The following ZNF491 variants were observed in gnomAD, a reference collection of about 807,000 sequenced individuals.
ZNF491 encodes the protein zinc finger protein 491.
ZNF491 carries 22 observed loss-of-function variants against 34.7 expected under a neutral mutation model. The ratio of observed to expected loss-of-function variants is 0.63; its 90% confidence interval spans 0.45 to 0.90. The LOEUF (loss-of-function observed/expected upper bound fraction) is 0.90, where lower values mean the gene tolerates loss of function less well. ZNF491 is among the 40% of genes least tolerant of loss of function. The probability of loss-of-function intolerance (pLI) is 0.00; values close to 1 mark genes in which losing one functional copy is unlikely to be tolerated. For missense variants in ZNF491, 559 were observed against 531.7 expected (o/e 1.05, Z -0.51); for synonymous variants, 148 against 174.3 (o/e 0.85, Z 1.19).
intron 1 of ZNF491, among the ~76,000 whole-genome samples, chr19:11,801,271 A>G (rs1171034675): frequency 6.6e-6 from 1 of 152,206 alleles, no homozygotes; most frequent in African/African-American, 2.4e-5. Flanking sequence ...CCAAAATGAC[A>G]TTGGGTAAAA....
Position 11,804,655 on chromosome 19 carries a change from C to A in ZNF491, c.-20C>A. The A allele has an allele frequency of 7.1e-7, 1 of 1,412,006 alleles. No homozygotes were observed. Among genetic ancestry groups the A allele is most frequent in the Admixed American group, 2.6e-5 (1 of 38,912 alleles). 87.5% of individuals were successfully genotyped at this position (1,412,006 alleles called of 1,614,324 possible). Reference sequence around the variant, plus strand: ...TGTGATGCAGGAAACCTTCACGAACCTCATCTGTATAGGTAGGGGTGACAA... The same window carrying A: ...TGTGATGCAGGAAACCTTCACGAACATCATCTGTATAGGTAGGGGTGACAA... On this transcript the variant is annotated 5_prime_UTR_variant, in exon 2 of 3. Coordinates refer to ENST00000323169, the MANE Select transcript of ZNF491 (RefSeq NM_152356.4).
In ZNF491 at chr19:11,808,422, G is replaced by C. The variant is rs1975642717; in HGVS notation, c.*1155G>C. Among the ~76,000 whole-genome samples the C allele has an allele frequency of 6.6e-6, 1 of 150,970 alleles. No individual in the cohort carries two copies. Among genetic ancestry groups the C allele is most frequent in the Non-Finnish European group, 1.5e-5 (1 of 67,806 alleles). On this transcript the variant is annotated 3_prime_UTR_variant, in exon 3 of 3. Coordinates refer to ENST00000323169, the MANE Select transcript of ZNF491 (RefSeq NM_152356.4). ...GGTTTATTCACTGTTTTTCAGTTGT[G>C]TACTTGCAAATGTTTTTCTCTTTTT...
Position 11,806,016 on chromosome 19 carries a change from TC to T in ZNF491, c.65del (p.Pro22ArgfsTer5). On this transcript the variant is annotated frameshift_variant, in exon 3 of 3. Transcript: ENST00000323169. LOFTEE classifies it high-confidence loss of function. ...SQCGETFTQVPEDMLNKKTLP... is the reference protein window; with the variant it reads ...SQCGETFTQVXEDMLNKKTLP... ...AGTGTGGAGAAACTTTCACCCAGGT[TC>T]CGGAAGACATGCTGAACAAGAAAAC... The T allele has an allele frequency of 1.2e-6, 2 of 1,612,946 alleles. No individual in the cohort carries two copies. The highest frequency in any genetic ancestry group is 1.7e-6 in the Non-Finnish European group (2 of 1,179,546).
rs1361506168 is a variant in ZNF491, at chr19:11,806,523, G to C, written c.570G>C (p.Lys190Asn). ...CTGGGGAGAAGCCATATGAATGTAA[G>C]GAGTGTGGGAAATCATTCAATTTTT... ...THTGEKPYEC[K>N]ECGKSFNFSS... Residue 190 changes from lysine (K) to asparagine (N), a missense_variant, in exon 3 of 3, where the codon AAG becomes AAC. Physicochemically the swap from Lys to Asn is moderately conservative, Grantham distance 94. Transcript: ENST00000323169. The C allele has an allele frequency of 5.6e-6, 9 of 1,614,136 alleles. No individual in the cohort carries two copies. Among genetic ancestry groups the C allele is most frequent in the Non-Finnish European group, 7.6e-6 (9 of 1,180,038 alleles).
At position 11,800,711 on chromosome 19, in the gene ZNF491, C is replaced by T. The variant is rs118139827; in HGVS notation, c.-134+1984C>T. 7.0e-4 allele frequency among the ~76,000 whole-genome samples: 107 copies of T among 151,820 alleles called. 1 individual carries two copies. The East Asian group carries it at 0.018, about 26-fold the overall frequency. The stretch of plus-strand genomic sequence containing the variant: ...GATTTTTGTATTTTTAGTAGAGACA[C>T]GGGAAAGAAAACATTTTTTAAAAAT... On this transcript the variant is annotated intron_variant, in intron 1 of 2. Coordinates refer to ENST00000323169, the MANE Select transcript of ZNF491 (RefSeq NM_152356.4).
At chr19:11,799,777 T>C (rs1010346100) in intron 1 of ZNF491, among the ~76,000 whole-genome samples, 4 of 151,636 alleles carry the variant, frequency 2.6e-5, no homozygotes, top group Non-Finnish European at 5.9e-5. Context: ...CTACCAAAAA[T>C]ACAAAAATTA....
chr19:11,806,957 C>T lies in ZNF491; in HGVS notation c.1004C>T (p.Ala335Val), dbSNP rs1379921960. 1 of 1,613,428 alleles carries T rather than the reference C, an allele frequency of 6.2e-7. No homozygotes were observed. The highest frequency in any genetic ancestry group is 1.7e-5 in the Admixed American group (1 of 59,862). The change falls in exon 3 of 3, where the codon GCC (alanine) becomes GTC (valine). Residue 335 changes from alanine to valine, a missense_variant. Transcript: ENST00000323169. Reference sequence around the variant, plus strand: ...GATGGGTGTAAGCAATGTGGGAAAGCCTTCAGATCTGCCAAGTACATTCGA... The same window carrying T: ...GATGGGTGTAAGCAATGTGGGAAAGTCTTCAGATCTGCCAAGTACATTCGA... Reference protein sequence around the residue: ...KPDGCKQCGKAFRSAKYIRIH... With the variant: ...KPDGCKQCGKVFRSAKYIRIH...
At chr19:11,801,325 G>C (rs937259380) in intron 1 of ZNF491, among the ~76,000 whole-genome samples, 1 of 152,066 alleles carries the variant, frequency 6.6e-6, no homozygotes, top group Admixed American at 6.6e-5. Context: ...TCATGTGTTT[G>C]TTGGCCATTT....
chr19:11,801,125 G>A (rs1312298642), intron 1 of ZNF491, among the ~76,000 whole-genome samples: 1 of 152,052 alleles, frequency 6.6e-6, no homozygotes, highest in African/African-American at 2.4e-5. Context: ...GATCACTTGA[G>A]TCCAGAAGTT....
In ZNF491 at chr19:11,806,882, G is replaced by A. The variant is rs747648579; in HGVS notation, c.929G>A (p.Cys310Tyr). ...KCKQCGKAFT[C>Y]STSFQYHERT... ...AAGCAATGTGGGAAAGCCTTCACTT[G>A]TTCCACTTCGTTTCAATATCATGAA... The change falls in exon 3 of 3, where the codon TGT becomes TAT. Residue 310 changes from cysteine (C) to tyrosine (Y), a missense_variant. Transcript: ENST00000323169. 3.7e-6 allele frequency: 6 copies of A among 1,610,666 alleles called. No individual in the cohort carries two copies.
At chr19:11,805,058 A>G (rs572687931) in intron 2 of ZNF491, among the ~76,000 whole-genome samples, 6 of 152,240 alleles carry the variant, frequency 3.9e-5, no homozygotes, top group Non-Finnish European at 7.3e-5. Context: ...CGAAAAACAT[A>G]TATTTCAATG....
At chr19:11,801,989 T>C (rs1599279538) in intron 1 of ZNF491, among the ~76,000 whole-genome samples, 2 of 152,196 alleles carry the variant, frequency 1.3e-5, no homozygotes, top group Admixed American at 1.3e-4. Context: ...ATTCATTTTA[T>C]TTTATTTTTT....
chr19:11,806,772 T>C lies in ZNF491; in HGVS notation c.819T>C (p.Cys273=), dbSNP rs1434087642. The change falls in exon 3 of 3, where the codon TGT becomes TGC. Residue 273 remains cysteine, a synonymous_variant. Coordinates refer to ENST00000323169, the MANE Select transcript of ZNF491 (RefSeq NM_152356.4). ...ACACTGGAGAGAGGCCTCATAAATG[T>C]AAGATATGTGGGAAAGCCTTTTACT... ...RMHTGERPHK[C]KICGKAFYSP... The C allele has an allele frequency of 1.2e-6, 2 of 1,613,062 alleles. No homozygotes were observed. The highest frequency in any genetic ancestry group is 1.7e-5 in the Admixed American group (1 of 59,734).
chr19:11,807,600 TC>T lies in ZNF491; in HGVS notation c.*335del. The T allele has an allele frequency of 4.1e-6, 1 of 242,978 alleles. No individual in the cohort carries two copies. The highest frequency in any genetic ancestry group is 8.5e-6 in the Non-Finnish European group (1 of 117,782). The allele number at this position is 242,978 out of a possible 1,614,324, so 15.1% of individuals were successfully genotyped here. A position where few individuals can be genotyped will look rare whatever the true frequency, so the allele number is the denominator to read the frequency against. On this transcript the variant is annotated 3_prime_UTR_variant, in exon 3 of 3. Transcript: ENST00000323169. ...GAGTATCCTCCAAATCTCTTGACTT[TC>T]CTTTTTTCAGAGGTGTAGGTTTCCA...
At position 11,807,875 on chromosome 19, in the gene ZNF491, A is replaced by C. The variant is rs747345164; in HGVS notation, c.*608A>C. ...AGCTACTATGCTGCCATCAGAACCA[A>C]CTTGATGAGAGCTCTGCTGCCCTGT... On this transcript the variant is annotated 3_prime_UTR_variant, in exon 3 of 3. Transcript: ENST00000323169. The C allele has an allele frequency of 4.2e-5, 7 of 167,218 alleles. No individual in the cohort carries two copies. The highest frequency in any genetic ancestry group is 1.7e-4 in the African/African-American group (7 of 41,436). 10.4% of individuals were successfully genotyped at this position (167,218 alleles called of 1,614,324 possible).
intron 1 of ZNF491, among the ~76,000 whole-genome samples, chr19:11,799,574 C>T (rs1474455435): frequency 2.1e-5 from 3 of 141,936 alleles, no homozygotes; most frequent in African/African-American, 7.9e-5. Context: ...AACATTCCAG[C>T]GTAAGGCAAG....
chr19:11,805,059 T>C (rs1288917864), intron 2 of ZNF491, among the ~76,000 whole-genome samples: 1 of 152,214 alleles, frequency 6.6e-6, no homozygotes. Flanking sequence ...GAAAAACATA[T>C]ATTTCAATGT....
In ZNF491 at chr19:11,806,866, G is replaced by A; in HGVS notation, c.913G>A (p.Gly305Arg). ...GEKPYKCKQC[G>R]KAFTCSTSFQ... is the part of the protein sequence containing the mutation. ...GAAACCCTACAAATGCAAGCAATGT[G>A]GGAAAGCCTTCACTTGTTCCACTTC... Residue 305 changes from glycine (G) to arginine (R), a missense_variant, in exon 3 of 3, where the codon GGG (glycine) becomes AGG (arginine). Coordinates refer to ENST00000323169, the MANE Select transcript of ZNF491 (RefSeq NM_152356.4). 6.2e-7 allele frequency: 1 copy of A among 1,609,956 alleles called. No individual in the cohort carries two copies. The highest frequency in any genetic ancestry group is 8.5e-7 in the Non-Finnish European group (1 of 1,178,350).
In ZNF491 at chr19:11,807,254, C is replaced by G; in HGVS notation, c.1301C>G (p.Thr434Ser). The G allele has an allele frequency of 1.3e-6, 2 of 1,539,668 alleles. No individual in the cohort carries two copies. The highest frequency in any genetic ancestry group is 1.7e-6 in the Non-Finnish European group (2 of 1,148,520). Reference sequence around the variant, plus strand: ...TGTCGAAAACATGAAAGAACTCACACTATTAATATATGAGAGAAATGCTAT... The same window carrying G: ...TGTCGAAAACATGAAAGAACTCACAGTATTAATATATGAGAGAAATGCTAT... Reference protein sequence around the residue: ...SYCRKHERTHTINI With the variant: ...SYCRKHERTHSINI The change falls in exon 3 of 3, where the codon ACT becomes AGT. Residue 434 changes from threonine to serine, a missense_variant. Physicochemically the swap from Thr to Ser is moderately conservative, Grantham distance 58 (BLOSUM62 1). Coordinates refer to ENST00000323169, the MANE Select transcript of ZNF491 (RefSeq NM_152356.4).
Sources: allele counts gnomAD v4.1 joint callset (sites outside exome capture counted in the v4.1 genomes callset), GRCh38; gene constraint gnomAD v4.1.1; transcripts MANE v1.5; gene names NCBI Gene and HGNC (gene_info 2026-07-23, HGNC 2026-07-21).